ARAP2: variants seen among roughly 807,000 people sequenced by gnomAD.
ARAP2 encodes ArfGAP with RhoGAP domain, ankyrin repeat and PH domain 2.
A neutral mutation model predicts 194.5 loss-of-function variants in ARAP2; 148 were observed. That is an observed-to-expected ratio of 0.76 (90% CI 0.67 to 0.87). The LOEUF is 0.87. ARAP2 is among the 40% of genes least tolerant of loss of function. ARAP2 has a pLI of 0.00. For missense variants in ARAP2, 2,128 were observed against 1,989.7 expected (o/e 1.07, Z -1.32); for synonymous variants, 695 against 683.5 (o/e 1.02, Z -0.26).
intron 7 of ARAP2, among the ~76,000 whole-genome samples, chr4:36,189,171 T>C (rs1741289290): frequency 6.6e-6 from 1 of 152,176 alleles, no homozygotes; most frequent in Non-Finnish European, 1.5e-5. Context: ...TGTCAAGAAA[T>C]AAGCACTTAG....
chr4:36,158,462 C>A (rs1238436112), intron 15 of ARAP2, among the ~76,000 whole-genome samples: 3 of 152,024 alleles, frequency 2.0e-5, no homozygotes, highest in Non-Finnish European at 4.4e-5. Flanking sequence ...AAAGGAATAA[C>A]CTTTATAACT....
At chr4:36,153,332 G>T (rs1255550531) in intron 15 of ARAP2, among the ~76,000 whole-genome samples, 1 of 152,128 alleles carries the variant, frequency 6.6e-6, no homozygotes, top group African/African-American at 2.4e-5. Flanking sequence ...TATATTGAAT[G>T]ATACTGGTCT....
Position 36,229,283 on chromosome 4 carries a change from C to T in ARAP2, c.204G>A (p.Leu68=), listed in dbSNP as rs150452906. The change falls in exon 2 of 33, where the codon TTG becomes TTA. Residue 68 remains leucine (L), a synonymous_variant. Coordinates refer to ENST00000303965, the MANE Select transcript of ARAP2 (RefSeq NM_015230.4). ...RRILKQLQII[L]SKMQDIPIYA... ...ATATTGGAATATCTTGCATTTTTGA[C>T]AAGATTATCTGTAACTGTTTAAGTA... 3.1e-6 allele frequency: 5 copies of T among 1,613,840 alleles called. No individual in the cohort carries two copies. The highest frequency in any genetic ancestry group is 1.7e-6 in the Non-Finnish European group (2 of 1,179,938).
At chr4:36,165,361 C>G (rs1351586712) in intron 10 of ARAP2, among the ~76,000 whole-genome samples, 1 of 152,090 alleles carries the variant, frequency 6.6e-6, no homozygotes, top group East Asian at 1.9e-4. Context: ...ATTTTCTAAA[C>G]AAAACATAAA....
downstream of ARAP2, among the ~76,000 whole-genome samples, chr4:36,062,192 A>T (rs914825330): frequency 6.6e-6 from 1 of 152,066 alleles, no homozygotes; most frequent in Non-Finnish European, 1.5e-5. Flanking sequence ...GCCTGTGCTT[A>T]TGGGGATATT....
chr4:36,081,528 C>T (rs146627565), intron 30 of ARAP2, among the ~76,000 whole-genome samples: 184 of 152,206 alleles, frequency 1.2e-3, no homozygotes, highest in African/African-American at 4.1e-3. Context: ...TTGCATGCCA[C>T]GCAACAATTC....
chr4:36,192,643 C>A (rs578135846), intron 7 of ARAP2, among the ~76,000 whole-genome samples: 1 of 152,064 alleles, frequency 6.6e-6, no homozygotes, highest in East Asian at 1.9e-4. Flanking sequence ...ACCTAGGCAA[C>A]GAATTGTCTT....
intron 21 of ARAP2, among the ~76,000 whole-genome samples, chr4:36,127,498 A>G (rs550239261): frequency 6.6e-6 from 1 of 152,126 alleles, no homozygotes; most frequent in South Asian, 2.1e-4. Context: ...ATGTTTTGTG[A>G]CATCATTTGA....
intron 2 of ARAP2, among the ~76,000 whole-genome samples, chr4:36,053,485 C>CT (rs1723028599): frequency 6.6e-6 from 1 of 152,144 alleles, no homozygotes; most frequent in Non-Finnish European, 1.5e-5. Context: ...GAAATCTCCA[C>CT]TCCTGCCCAA....
At chr4:36,219,348 C>G (rs887540201) in intron 2 of ARAP2, among the ~76,000 whole-genome samples, 1 of 152,170 alleles carries the variant, frequency 6.6e-6, no homozygotes, top group African/African-American at 2.4e-5. Flanking sequence ...TAAGAACAAT[C>G]TGACATGCAA....
Position 36,126,835 on chromosome 4 carries a change from C to CTGT in ARAP2, c.3640+1695_3640+1697dup, listed in dbSNP as rs962621626. ...AACTTTAGCAAATATATATTTGTCGCTGTTGTTGTTGTTGTTTAACACGCA... is the reference window on the plus strand; with the variant it reads ...AACTTTAGCAAATATATATTTGTCGCTGTTGTTGTTGTTGTTGTTTAACACGCA... On this transcript the variant is annotated intron_variant, in intron 21 of 32. Transcript: ENST00000303965. Among the ~76,000 whole-genome samples, 415 of 152,052 alleles carry CTGT rather than the reference C, an allele frequency of 2.7e-3. 3 individuals carry two copies. Among genetic ancestry groups the CTGT allele is most frequent in the African/African-American group, 9.5e-3 (395 of 41,514 alleles).
At chr4:36,110,830 G>A (rs987287462) in intron 26 of ARAP2, among the ~76,000 whole-genome samples, 2 of 151,896 alleles carry the variant, frequency 1.3e-5, no homozygotes, top group Non-Finnish European at 2.9e-5. Flanking sequence ...AAATGTACAT[G>A]ATTATAGCAA....
intron 10 of ARAP2, among the ~76,000 whole-genome samples, chr4:36,166,421 G>C (rs1735300169): frequency 6.6e-6 from 1 of 151,700 alleles, no homozygotes; most frequent in Non-Finnish European, 1.5e-5. Context: ...CATAATATGA[G>C]ATATATAAAA....
chr4:36,073,924 G>T (rs1044557411), intron 31 of ARAP2, 101 bp from the exon 32 acceptor site: 83 of 1,383,300 alleles, frequency 6.0e-5, no homozygotes, highest in Non-Finnish European at 8.0e-5. Flanking sequence ...CACATCAAAT[G>T]ATCTGATTTC....
intron 6 of ARAP2, among the ~76,000 whole-genome samples, chr4:36,199,975 C>T (rs1744025828): frequency 6.6e-6 from 1 of 152,048 alleles, no homozygotes. Context: ...AAAATCACAT[C>T]TCAATAAAGC....
chr4:36,190,706 G>A (rs1215382513), intron 7 of ARAP2, among the ~76,000 whole-genome samples: 3 of 152,180 alleles, frequency 2.0e-5, no homozygotes, highest in Non-Finnish European at 4.4e-5. Flanking sequence ...TCATGGAGGT[G>A]AATAACAAGA....
At chr4:36,047,478 C>T (rs1722020070) in intron 3 of ARAP2, among the ~76,000 whole-genome samples, 1 of 152,202 alleles carries the variant, frequency 6.6e-6, no homozygotes, top group African/African-American at 2.4e-5. Flanking sequence ...CACAACCATC[C>T]TGTTATGTAA....
At position 36,117,126 on chromosome 4, in the gene ARAP2, C is replaced by G; in HGVS notation, c.3973G>C (p.Ala1325Pro). The G allele has an allele frequency of 6.3e-7, 1 of 1,595,312 alleles. No individual in the cohort carries two copies. The highest frequency in any genetic ancestry group is 1.1e-5 in the South Asian group (1 of 88,860). Residue 1325 changes from alanine (A) to proline (P), a missense_variant, in exon 25 of 33, where the codon GCT becomes CCT. Ala to Pro is a conservative substitution (Grantham distance 27, BLOSUM62 -1). Transcript: ENST00000303965. ...TKWKDTQVSQAGDLLIEVYVE... is the reference protein window; with the variant it reads ...TKWKDTQVSQPGDLLIEVYVE... ...TATACTTCAATTAACAAATCTCCAG[C>G]CTGGGAAACCTAGAAAAGGGCAGAG...
At chr4:36,070,423 A>G (rs1726570030) in intron 32 of ARAP2, among the ~76,000 whole-genome samples, 1 of 152,220 alleles carries the variant, frequency 6.6e-6, no homozygotes, top group Admixed American at 6.5e-5. Flanking sequence ...AGAGCAAGAG[A>G]TGGCTTGCTA....
Sources: gnomAD v4.1 joint callset for allele counts (sites outside exome capture counted in the v4.1 genomes callset) on GRCh38, gnomAD v4.1.1 for gene constraint, MANE v1.5 for transcripts, NCBI Gene and HGNC (gene_info 2026-07-23, HGNC 2026-07-21) for gene names.